The following ACKR5 variants were observed in gnomAD, a reference collection of about 807,000 sequenced individuals.
ACKR5 encodes the protein G protein-coupled receptor 182.
At chr12:56,996,082 C>T in the ACKR5 span, 1 of 1,613,326 alleles carries the variant, frequency 6.2e-7, no homozygotes, top group South Asian at 1.1e-5. Flanking sequence ...TCTCCCTCCA[C>T]TGCCACCTGG....
the ACKR5 span, chr12:56,995,480 T>C: frequency 9.3e-6 from 15 of 1,614,216 alleles, no homozygotes; most frequent in African/African-American, 1.3e-5. This position sits in a 1 kb window ranked among gnomAD's most constrained non-coding sequence, Gnocchi z 4.7. Flanking sequence ...GATGAACCTC[T>C]ACATCCTCAA....
At chr12:56,996,198 G>A in the ACKR5 span, 90 of 1,614,034 alleles carry the variant, frequency 5.6e-5, no homozygotes, top group South Asian at 1.9e-4. Flanking sequence ...TTCCGGGGCC[G>A]GCTCCTGAAT....
the ACKR5 span, chr12:56,996,054 C>T: frequency 1.2e-6 from 2 of 1,611,940 alleles, no homozygotes; most frequent in Non-Finnish European, 1.7e-6. Flanking sequence ...CTGCTGCTCA[C>T]ACTGCATGGG....
chr12:56,995,511 G>A, the ACKR5 span: 1 of 1,614,050 alleles, frequency 6.2e-7, no homozygotes, highest in African/African-American at 1.3e-5. This position sits in a 1 kb window ranked among gnomAD's most constrained non-coding sequence, Gnocchi z 4.7. Flanking sequence ...GCGGACCTGG[G>A]CATTGTCCTG....
chr12:56,996,363 C>G, the ACKR5 span: 1 of 1,612,906 alleles, frequency 6.2e-7, no homozygotes, highest in Non-Finnish European at 8.5e-7. Flanking sequence ...AGCTTTCAGG[C>G]ACACCATTTG....
the ACKR5 span, chr12:56,996,238 G>C: frequency 6.2e-7 from 1 of 1,614,150 alleles, no homozygotes. Flanking sequence ...CTAAGGACCA[G>C]ACCAAGGCGG....
At chr12:56,995,531 G>A in the ACKR5 span, 10 of 1,614,062 alleles carry the variant, frequency 6.2e-6, no homozygotes, top group East Asian at 4.5e-5. This position sits in a 1 kb window ranked among gnomAD's most constrained non-coding sequence, Gnocchi z 4.7. Flanking sequence ...GTCTCTGCCC[G>A]TGTGGATGCT....
the ACKR5 span, chr12:56,996,014 A>G: frequency 6.2e-7 from 1 of 1,610,266 alleles, no homozygotes; most frequent in Middle Eastern, 1.6e-4. Context: ...CGTCTTTGTC[A>G]TGTGCTGGCT....
the ACKR5 span, chr12:56,996,674 G>T: frequency 2.2e-6 from 1 of 457,122 alleles, no homozygotes. Flanking sequence ...AAATGGAAGA[G>T]ATAGCCATGG....
chr12:56,996,502 A>C, the ACKR5 span: 2 of 1,340,570 alleles, frequency 1.5e-6, no homozygotes, highest in Non-Finnish European at 1.0e-6. Flanking sequence ...GGGGATGTAG[A>C]GGGGAGGGTC....
the ACKR5 span, chr12:56,997,599 C>T: frequency 6.6e-6 from 1 of 152,192 alleles, no homozygotes; most frequent in African/African-American, 2.4e-5. Context: ...GGACCCTGTC[C>T]ATGAAGAACT....
the ACKR5 span, chr12:56,995,548 C>T: frequency 4.3e-6 from 7 of 1,614,082 alleles, no homozygotes; most frequent in Non-Finnish European, 5.9e-6. This position sits in a 1 kb window ranked among gnomAD's most constrained non-coding sequence, Gnocchi z 4.7. Context: ...TGCTGGAGGT[C>T]ACGCTGGACT....
At chr12:56,996,631 G>C in the ACKR5 span, 1 of 518,194 alleles carries the variant, frequency 1.9e-6, no homozygotes, top group Non-Finnish European at 3.5e-6. Flanking sequence ...CGGTCCTTGT[G>C]TCTAAGGAGC....
the ACKR5 span, chr12:56,996,241 C>A: frequency 3.1e-5 from 50 of 1,614,028 alleles, no homozygotes; most frequent in Non-Finnish European, 4.2e-5. Flanking sequence ...AGGACCAGAC[C>A]AAGGCGGGCA....
At chr12:56,994,989 C>A in the ACKR5 span, among the ~76,000 whole-genome samples, 1 of 152,086 alleles carries the variant, frequency 6.6e-6, no homozygotes, top group Non-Finnish European at 1.5e-5. Context: ...CAGCTGAAAC[C>A]CCTTAAGAAA....
At chr12:56,997,497 G>A in the ACKR5 span, 3 of 152,320 alleles carry the variant, frequency 2.0e-5, 1 homozygote, top group South Asian at 6.2e-4. Context: ...CACAACTTAG[G>A]TTCCTTAACA....
the ACKR5 span, chr12:56,995,998 C>A: frequency 6.2e-7 from 1 of 1,610,342 alleles, no homozygotes; most frequent in Non-Finnish European, 8.5e-7. The surrounding 1 kb of genome is among the most constrained non-coding windows in gnomAD (Gnocchi z 4.7). Context: ...TGTGCGCCTA[C>A]GTGGCCGTCT....
At chr12:56,996,560 G>A in the ACKR5 span, 1 of 737,424 alleles carries the variant, frequency 1.4e-6, no homozygotes, top group Non-Finnish European at 2.2e-6. Flanking sequence ...ACTGAGGTGT[G>A]GAGAGAGAGA....
the ACKR5 span, chr12:56,995,305 G>A: frequency 1.2e-6 from 2 of 1,614,200 alleles, no homozygotes; most frequent in African/African-American, 1.3e-5. The surrounding 1 kb of genome is among the most constrained non-coding windows in gnomAD (Gnocchi z 4.7). Flanking sequence ...GGACCGAGCT[G>A]CTTGACCTCT....
Sources: allele counts gnomAD v4.1 joint callset (sites outside exome capture counted in the v4.1 genomes callset), GRCh38; gene constraint gnomAD v4.1.1; non-coding constraint Gnocchi (gnomAD v3.1); transcripts MANE v1.5; gene names NCBI Gene and HGNC (gene_info 2026-07-23, HGNC 2026-07-21).